The following IL6 variants were observed in gnomAD, a reference collection of about 807,000 sequenced individuals.
IL6 encodes the protein interleukin-6.
A neutral mutation model predicts 18.0 loss-of-function variants in IL6; 5 were observed. The observed-to-expected ratio is 0.28, with a 90% CI of 0.15 to 0.58. The LOEUF is 0.58. IL6 is among the 20% of genes least tolerant of loss of function. The pLI is 0.90. For synonymous variants in IL6, 97 were observed against 95.1 expected, an observed-to-expected ratio of 1.02 and a Z score of -0.12; for missense variants, 266 against 251.0, an observed-to-expected ratio of 1.06 and a Z score of -0.40.
At position 22,731,781 on chromosome 7, in the gene IL6, C is replaced by T. The variant is rs1403748851; in HGVS notation, c.*208C>T. On this transcript the variant is annotated 3_prime_UTR_variant, in exon 5 of 5. Transcript: ENST00000258743. ...GTCATATTTATATTTTTAAGAAGTA[C>T]CACTTGAAACATTTTATGTATTAGT... The T allele has an allele frequency of 3.6e-6, 1 of 280,548 alleles. No individual in the cohort carries two copies. Among genetic ancestry groups the T allele is most frequent in the Non-Finnish European group, 6.4e-6 (1 of 155,700 alleles). The allele number at this position is 280,548 out of a possible 1,614,324, so 17.4% of individuals were successfully genotyped here.
At chr7:22,729,400 T>G (rs1784079866) in intron 3 of IL6, 114 bp from the exon 4 acceptor site, 2 of 972,420 alleles carry the variant, frequency 2.1e-6, no homozygotes, top group South Asian at 3.1e-5. Flanking sequence ...TAAGAGGTAC[T>G]TGAAGTTCTC....
In IL6 at chr7:22,727,528, A is replaced by T. The variant is rs201787553; in HGVS notation, c.104A>T (p.Asp35Val). 1.9e-5 allele frequency: 31 copies of T among 1,613,552 alleles called. No homozygotes were observed. The highest frequency in any genetic ancestry group is 3.3e-4 in the Middle Eastern group (2 of 6,078). Residue 35 changes from aspartate to valine, a missense_variant, in exon 2 of 5, where the codon GAT (aspartate) becomes GTT (valine). Asp to Val is a radical substitution (Grantham distance 152). Transcript: ENST00000258743. ...CCTGCCCCAGTACCCCCAGGAGAAGATTCCAAAGATGTAGCCGCCCCACAC... is the reference window on the plus strand; with the variant it reads ...CCTGCCCCAGTACCCCCAGGAGAAGTTTCCAAAGATGTAGCCGCCCCACAC... ...AFPAPVPPGE[D>V]SKDVAAPHRQ...
rs767834140 is a variant in IL6, at chr7:22,727,380, C to T, written c.20-64C>T. 3.5e-5 allele frequency: 56 copies of T among 1,613,004 alleles called. No individual in the cohort carries two copies. The African/African-American group carries it at 5.3e-4, about 15-fold the overall frequency. ...CCAGGGAGGGCTGGCGGGCGGCCAG[C>T]AGCAGAGGCAGGCTCCCAGCTGTGC... On this transcript the variant is annotated intron_variant, in intron 1 of 4. Transcript: ENST00000258743.
At chr7:22,730,391 C>A (rs2069844) in intron 4 of IL6, 25,244 of 536,224 alleles carry the variant, frequency 0.047, 1,810 homozygotes, top group African/African-American at 0.25. Context: ...GTTTGAGGGT[C>A]AAATTTCTAC....
intron 4 of IL6, chr7:22,729,946 C>A: frequency 7.5e-7 from 1 of 1,341,720 alleles, no homozygotes. Context: ...AAACCAAAGG[C>A]GGGGGGGCGG....
At chr7:22,731,254 A>G in intron 4 of IL6, 152 bp from the exon 5 acceptor site, 2 of 482,138 alleles carry the variant, frequency 4.1e-6, no homozygotes, top group Non-Finnish European at 3.5e-6. Flanking sequence ...GTTTGTTGCT[A>G]TGGAAGGGTC....
At position 22,729,383 on chromosome 7, in the gene IL6, T is replaced by C. The variant is rs1399552591; in HGVS notation, c.325-131T>C. On this transcript the variant is annotated intron_variant, in intron 3 of 4. Coordinates refer to ENST00000258743, the MANE Select transcript of IL6 (RefSeq NM_000600.5). Reference sequence around the variant, plus strand: ...TGGTGCTGTCCAATGTCCCAAAACATGCTGCCTAAGAGGTACTTGAAGTTC... The same window carrying C: ...TGGTGCTGTCCAATGTCCCAAAACACGCTGCCTAAGAGGTACTTGAAGTTC... 3.8e-6 allele frequency: 3 copies of C among 789,494 alleles called. No homozygotes were observed. The Admixed American group carries it at 6.9e-5, about 18-fold the overall frequency. The allele number at this position is 789,494 out of a possible 1,614,324, so 48.9% of individuals were successfully genotyped here.
chr7:22,731,533 A>C lies in IL6; in HGVS notation c.599A>C (p.Glu200Ala). 1 of 1,604,782 alleles carries C rather than the reference A, an allele frequency of 6.2e-7. No individual in the cohort carries two copies. The highest frequency in any genetic ancestry group is 1.1e-5 in the South Asian group (1 of 89,854). Residue 200 changes from glutamate to alanine, a missense_variant, in exon 5 of 5, where the codon GAG (glutamate) becomes GCG (alanine). Coordinates refer to ENST00000258743, the MANE Select transcript of IL6 (RefSeq NM_000600.5). ...CATCTCATTCTGCGCAGCTTTAAGG[A>C]GTTCCTGCAGTCCAGCCTGAGGGCT... ...TTHLILRSFK[E>A]FLQSSLRALR...
At chr7:22,728,623 T>C (rs1784060641) in intron 2 of IL6, 70 bp from the exon 3 acceptor site, 1 of 871,302 alleles carries the variant, frequency 1.1e-6, no homozygotes. Flanking sequence ...GGTTGAACAA[T>C]GAAAAGGCCC....
chr7:22,730,801 C>A (rs1053773745), intron 4 of IL6, among the ~76,000 whole-genome samples: 1 of 152,026 alleles, frequency 6.6e-6, no homozygotes, highest in African/African-American at 2.4e-5. Flanking sequence ...ACTCCTAAGG[C>A]CAGGAGTTCA....
chr7:22,731,558 T>C lies in IL6; in HGVS notation c.624T>C (p.Ala208=). ...FKEFLQSSLR[A]LRQM is the part of the protein sequence containing the mutation. Reference sequence around the variant, plus strand: ...AGTTCCTGCAGTCCAGCCTGAGGGCTCTTCGGCAAATGTAGCATGGGCACC... The same window carrying C: ...AGTTCCTGCAGTCCAGCCTGAGGGCCCTTCGGCAAATGTAGCATGGGCACC... Residue 208 remains alanine (A), a synonymous_variant, in exon 5 of 5, where the codon GCT becomes GCC. Transcript: ENST00000258743. 1 of 1,600,546 alleles carries C rather than the reference T, an allele frequency of 6.2e-7. No homozygotes were observed. Among genetic ancestry groups the C allele is most frequent in the Non-Finnish European group, 8.5e-7 (1 of 1,170,562 alleles).
chr7:22,728,854 C>A (rs1469947519), intron 3 of IL6, 48 bp downstream of exon 3: 1 of 1,066,412 alleles, frequency 9.4e-7, no homozygotes, highest in East Asian at 2.4e-5. Flanking sequence ...GGCAAAACTT[C>A]TCCCTCTTGC....
chr7:22,730,017 A>C, intron 4 of IL6: 1 of 985,372 alleles, frequency 1.0e-6, no homozygotes, highest in Non-Finnish European at 1.2e-6. Flanking sequence ...CAAGGAGCAC[A>C]AAATGATTTT....
intron 3 of IL6, among the ~76,000 whole-genome samples, 157 bp downstream of exon 3, chr7:22,728,963 T>A (rs1460502619): frequency 6.6e-6 from 1 of 152,248 alleles, no homozygotes; most frequent in African/African-American, 2.4e-5. Flanking sequence ...CTTCAAGCTT[T>A]TTTAAAGGCA....
At chr7:22,729,707 T>C (rs1052661879) in intron 4 of IL6, 47 bp downstream of exon 4, 4 of 1,613,624 alleles carry the variant, frequency 2.5e-6, no homozygotes, top group African/African-American at 1.3e-5. Context: ...GAAGACAGGC[T>C]CAAAGACAGT....
In IL6 at chr7:22,727,242, C is replaced by T. The variant is rs769242976; in HGVS notation, c.-21C>T. On this transcript the variant is annotated 5_prime_UTR_variant, in exon 1 of 5. Coordinates refer to ENST00000258743, the MANE Select transcript of IL6 (RefSeq NM_000600.5). ...ACCGGGAACGAAAGAGAAGCTCTAT[C>T]TCCCCTCCAGGAGCCCAGCTATGAA... is the stretch of plus-strand genomic sequence containing the variant. 1.2e-6 allele frequency: 2 copies of T among 1,613,358 alleles called. No homozygotes were observed. Among genetic ancestry groups the T allele is most frequent in the South Asian group, 1.1e-5 (1 of 91,018 alleles).
intron 2 of IL6, 176 bp from the exon 3 acceptor site, chr7:22,728,517 G>T: frequency 1.7e-6 from 1 of 592,836 alleles, no homozygotes; most frequent in Non-Finnish European, 3.0e-6. Context: ...GGTGAGCTTG[G>T]AACTGAACCC....
chr7:22,729,316 A>G (rs772389161), intron 3 of IL6, among the ~76,000 whole-genome samples, 198 bp from the exon 4 acceptor site: 3 of 152,214 alleles, frequency 2.0e-5, no homozygotes, highest in Non-Finnish European at 4.4e-5. Flanking sequence ...GCTTTGGATA[A>G]AACTAATTAC....
rs775912118 is a variant in IL6, at chr7:22,731,442, A to G, written c.508A>G (p.Thr170Ala). The change falls in exon 5 of 5, where the codon ACC becomes GCC. Residue 170 changes from threonine (T) to alanine (A), a missense_variant. Physicochemically the swap from Thr to Ala is moderately conservative, Grantham distance 58. Transcript: ENST00000258743. ...NLDAITTPDP[T>A]TNASLLTKLQ... The stretch of plus-strand genomic sequence containing the variant: ...AGATGCAATAACCACCCCTGACCCA[A>G]CCACAAATGCCAGCCTGCTGACGAA... 6.2e-7 allele frequency: 1 copy of G among 1,605,192 alleles called. No individual in the cohort carries two copies. The highest frequency in any genetic ancestry group is 1.1e-5 in the South Asian group (1 of 89,870).
Sources: gnomAD v4.1 joint callset for allele counts (sites outside exome capture counted in the v4.1 genomes callset) on GRCh38, gnomAD v4.1.1 for gene constraint, MANE v1.5 for transcripts, NCBI Gene and HGNC (gene_info 2026-07-23, HGNC 2026-07-21) for gene names.